Variants in KHDRBS1 observed in about 807,000 individuals in gnomAD.
The protein encoded by KHDRBS1 is KH domain-containing, RNA-binding, signal transduction-associated protein 1.
In KHDRBS1, 7 loss-of-function variants were observed where a neutral mutation model predicts 48.4. The ratio of observed to expected loss-of-function variants is 0.14; its 90% confidence interval spans 0.08 to 0.27. The LOEUF is 0.27. Among genes scored for constraint, KHDRBS1 ranks in the 10% least tolerant of loss-of-function variants. KHDRBS1 has a pLI of 1.00. For synonymous variants in KHDRBS1, 241 were observed against 235.8 expected (o/e 1.02, Z -0.20); for missense variants, 458 against 601.2 (o/e 0.76, Z 2.49).
downstream of KHDRBS1, chr1:32,045,383 C>CA (rs1387691679): frequency 3.3e-5 from 5 of 152,526 alleles, no homozygotes; most frequent in Admixed American, 2.0e-4. Flanking sequence ...AGTGAAGACC[C>CA]ATGTCAGGTA....
chr1:32,042,284 T>G (rs1639294716), intron 8 of KHDRBS1, among the ~76,000 whole-genome samples: 1 of 152,208 alleles, frequency 6.6e-6, no homozygotes, highest in Non-Finnish European at 1.5e-5. Context: ...TGTGGGAGAT[T>G]ACTCCAGAGT....
chr1:32,031,427 A>G, intron 2 of KHDRBS1, 97 bp from the exon 3 acceptor site: 3 of 722,600 alleles, frequency 4.2e-6, no homozygotes, highest in South Asian at 3.6e-5. Flanking sequence ...GTAATACTCT[A>G]CCTTTGCAGG....
intron 10 of KHDRBS1, chr1:32,052,350 GAAA>G (rs955150416): frequency 6.7e-6 from 1 of 148,614 alleles, no homozygotes; most frequent in Non-Finnish European, 1.5e-5. Flanking sequence ...AGAAAGAAAA[GAAA>G]AAAAGAAAGA....
At chr1:32,029,084 C>T (rs1639032134) in intron 1 of KHDRBS1, among the ~76,000 whole-genome samples, 1 of 152,190 alleles carries the variant, frequency 6.6e-6, no homozygotes, top group South Asian at 2.1e-4. Flanking sequence ...CTCCCTTCAT[C>T]TGCCTCTCCA....
intron 1 of KHDRBS1, among the ~76,000 whole-genome samples, chr1:32,016,594 C>T (rs914671319): frequency 6.6e-6 from 1 of 152,084 alleles, no homozygotes; most frequent in African/African-American, 2.4e-5. Context: ...GAAAGGAAAC[C>T]AGAGAGCAGA....
chr1:32,054,910 A>C (rs1218744325), intron 10 of KHDRBS1, among the ~76,000 whole-genome samples: 1 of 152,166 alleles, frequency 6.6e-6, no homozygotes, highest in South Asian at 2.1e-4. Context: ...AATTCTCACA[A>C]ACAACCCTGT....
At chr1:32,033,057 A>C (rs773174827) in intron 3 of KHDRBS1, 131 bp from the exon 4 acceptor site, 76 of 629,936 alleles carry the variant, frequency 1.2e-4, no homozygotes, top group Non-Finnish European at 2.0e-4. Context: ...AATTCTTCTC[A>C]GCTCATACCA....
intron 1 of KHDRBS1, among the ~76,000 whole-genome samples, chr1:32,022,923 G>A (rs999386394): frequency 1.3e-5 from 2 of 151,722 alleles, no homozygotes; most frequent in Non-Finnish European, 2.9e-5. Context: ...TGATATATTT[G>A]TATTGATTTT....
chr1:32,057,170 G>A (rs970398943), intron 10 of KHDRBS1, among the ~76,000 whole-genome samples: 20 of 152,066 alleles, frequency 1.3e-4, no homozygotes, highest in African/African-American at 4.8e-4. Context: ...GCCGAGGTAC[G>A]AATCTGGACC....
At chr1:32,042,476 C>A in intron 8 of KHDRBS1, 51 bp from the exon 9 acceptor site, 2 of 1,238,626 alleles carry the variant, frequency 1.6e-6, no homozygotes, top group East Asian at 2.3e-5. Context: ...CCTGCTTATC[C>A]CTAAGTGCTG....
intron 1 of KHDRBS1, among the ~76,000 whole-genome samples, chr1:32,023,027 G>A (rs995083680): frequency 5.3e-5 from 8 of 151,526 alleles, no homozygotes; most frequent in Admixed American, 4.6e-4. Context: ...TCTCTTTTTC[G>A]CCCTCTCTCT....
In KHDRBS1 at chr1:32,014,036, C is replaced by T; in HGVS notation, c.41C>T (p.Ser14Phe). The part of the protein sequence containing the change: ...RDDPAARMSR[S>F]SGRSGSMDPS... ...GACCCCGCCGCGCGCATGAGCCGGT[C>T]TTCGGGCCGTAGCGGCTCCATGGAC... The change falls in exon 1 of 9, where the codon TCT (serine) becomes TTT (phenylalanine). Residue 14 changes from serine (S) to phenylalanine (F), a missense_variant. Transcript: ENST00000327300. 1.3e-6 allele frequency: 2 copies of T among 1,526,170 alleles called. No individual in the cohort carries two copies. Among genetic ancestry groups the T allele is most frequent in the South Asian group, 1.2e-5 (1 of 82,994 alleles). 94.5% of individuals were successfully genotyped at this position (1,526,170 alleles called of 1,614,324 possible).
intron 4 of KHDRBS1, among the ~76,000 whole-genome samples, chr1:32,033,766 A>T (rs1639124542): frequency 6.6e-6 from 1 of 152,222 alleles, no homozygotes; most frequent in African/African-American, 2.4e-5. Context: ...AGAAGCTTAT[A>T]GCATCTAGTG....
intron 1 of KHDRBS1, among the ~76,000 whole-genome samples, chr1:32,027,678 G>A (rs761965066): frequency 2.6e-5 from 4 of 152,124 alleles, no homozygotes; most frequent in Non-Finnish European, 4.4e-5. Context: ...ATTAGTTCAT[G>A]GTATAGTATA....
intron 1 of KHDRBS1, among the ~76,000 whole-genome samples, chr1:32,029,371 C>G (rs1639037891): frequency 6.6e-6 from 1 of 152,034 alleles, no homozygotes; most frequent in Non-Finnish European, 1.5e-5. Flanking sequence ...TAAAAAGTAC[C>G]TGGTGGCTGG....
intron 1 of KHDRBS1, among the ~76,000 whole-genome samples, chr1:32,014,939 G>A (rs2124350291): frequency 6.6e-6 from 1 of 152,304 alleles, no homozygotes; most frequent in South Asian, 2.1e-4. Flanking sequence ...AGGAAGGAGC[G>A]ATTTATGTGG....
At position 32,014,018 on chromosome 1, in the gene KHDRBS1, C is replaced by T; in HGVS notation, c.23C>T (p.Ala8Val). Residue 8 changes from alanine (A) to valine (V), a missense_variant, in exon 1 of 9, where the codon GCC (alanine) becomes GTC (valine). Coordinates refer to ENST00000327300, the MANE Select transcript of KHDRBS1 (RefSeq NM_006559.3). Reference protein sequence around the residue: MQRRDDPAARMSRSSGRS... With the variant: MQRRDDPVARMSRSSGRS... ...CAGATGCAGCGCCGGGACGACCCCG[C>T]CGCGCGCATGAGCCGGTCTTCGGGC... 2.0e-6 allele frequency: 3 copies of T among 1,526,952 alleles called. No homozygotes were observed. Among genetic ancestry groups the T allele is most frequent in the African/African-American group, 1.4e-5 (1 of 69,868 alleles). The allele number at this position is 1,526,952 out of a possible 1,614,324, so 94.6% of individuals were successfully genotyped here. A position where few individuals can be genotyped will look rare whatever the true frequency, so the allele number is the denominator to read the frequency against.
intron 1 of KHDRBS1, among the ~76,000 whole-genome samples, chr1:32,028,500 C>CTTTT (rs1235962364): frequency 1.9e-4 from 24 of 123,348 alleles, no homozygotes; most frequent in Admixed American, 1.3e-3. Context: ...ACTATATATA[C>CTTTT]TTTTTTTTTT....
downstream of KHDRBS1, among the ~76,000 whole-genome samples, chr1:32,044,229 C>T (rs1639330834): frequency 6.6e-6 from 1 of 152,220 alleles, no homozygotes; most frequent in Admixed American, 6.5e-5. Context: ...GCCTGGTTTG[C>T]ACCTTCTGTA....
Sources: gnomAD v4.1 joint callset for allele counts (sites outside exome capture counted in the v4.1 genomes callset) on GRCh38, gnomAD v4.1.1 for gene constraint, MANE v1.5 for transcripts, NCBI Gene and HGNC (gene_info 2026-07-23, HGNC 2026-07-21) for gene names.